Variants in SV2B observed in about 807,000 individuals in gnomAD.
SV2B encodes the protein solute carrier family 22 member B2.
Under a neutral mutation model 73.9 loss-of-function variants are expected in SV2B, and 41 were observed. The ratio of observed to expected loss-of-function variants is 0.56; its 90% confidence interval spans 0.43 to 0.72. The LOEUF is 0.72. SV2B is among the 30% of genes least tolerant of loss of function. SV2B has a pLI of 0.00. For missense variants in SV2B, 764 were observed against 857.8 expected (o/e 0.89, Z 1.37); for synonymous variants, 314 against 314.2 (o/e 1.00, Z 0.01).
intron 1 of SV2B, among the ~76,000 whole-genome samples, chr15:91,116,489 G>A (rs187807423): frequency 1.3e-4 from 20 of 152,334 alleles, no homozygotes; most frequent in South Asian, 4.1e-4. Context: ...GGTGTGCTCT[G>A]CATCCCGTGC....
rs1029742641 is a variant in SV2B, at chr15:91,105,864, C to T, written c.-392+5501C>T. Among the ~76,000 whole-genome samples, 5 of 152,104 alleles carry T rather than the reference C, an allele frequency of 3.3e-5. No individual in the cohort carries two copies. Among genetic ancestry groups the T allele is most frequent in the South Asian group, 2.1e-4 (1 of 4,822 alleles). ...AGGAGTTTGAGACCAGCCTGGACAA[C>T]GTGGCAAAATCCCAACTCTACAACA... is the stretch of plus-strand genomic sequence containing the variant. On this transcript the variant is annotated intron_variant, in intron 1 of 12. Coordinates refer to ENST00000394232, the MANE Select transcript of SV2B (RefSeq NM_001323032.3). This position sits in a 1 kb window ranked among gnomAD's most constrained non-coding sequence, Gnocchi z 5.5.
Position 91,288,577 on chromosome 15 carries a change from T to A in SV2B, c.1709-944T>A, listed in dbSNP as rs1463363469. On this transcript the variant is annotated intron_variant, in intron 11 of 12. Transcript: ENST00000394232. The surrounding 1 kb of genome is among the most constrained non-coding windows in gnomAD (Gnocchi z 5.8). ...TCCTGCCTTCCAGGTTCATCCATGT[T>A]GTCATAAATGGCAGAATTCCTTTCT... Among the ~76,000 whole-genome samples, 2 of 152,082 alleles carry A rather than the reference T, an allele frequency of 1.3e-5. No homozygotes were observed. The highest frequency in any genetic ancestry group is 2.9e-5 in the Non-Finnish European group (2 of 67,978).
chr15:91,158,679 CTCTTCTCTTCTCTT>C (rs2043584732), intron 1 of SV2B, among the ~76,000 whole-genome samples: 2 of 75,968 alleles, frequency 2.6e-5, no homozygotes, highest in African/African-American at 5.0e-5. Flanking sequence ...CTCTTCTCTT[CTCTTCTCTTCTCTT>C]CTCTTCTCTC....
intron 2 of SV2B, among the ~76,000 whole-genome samples, chr15:91,250,141 C>A (rs192232569): frequency 6.6e-6 from 1 of 152,318 alleles, no homozygotes; most frequent in African/African-American, 2.4e-5. Flanking sequence ...TTAAATTCGA[C>A]AGCACATTAA....
chr15:91,166,766 C>T (rs780127821), intron 1 of SV2B, among the ~76,000 whole-genome samples: 1 of 151,524 alleles, frequency 6.6e-6, no homozygotes, highest in Admixed American at 6.6e-5. Context: ...TTTATAATTT[C>T]AGTTATTGTA....
At position 91,261,539 on chromosome 15, in the gene SV2B, C is replaced by A. The variant is rs145504776; in HGVS notation, c.1008+1130C>A. On this transcript the variant is annotated intron_variant, in intron 6 of 12. Transcript: ENST00000394232. The surrounding 1 kb of genome is among the most constrained non-coding windows in gnomAD (Gnocchi z 4.7). ...CCTTCTTGTGCACATAGTTCCTTCC[C>A]CTTCATGTCCTAGGATTGTTTTATT... is the stretch of plus-strand genomic sequence containing the variant. Among the ~76,000 whole-genome samples, 2 of 152,050 alleles carry A rather than the reference C, an allele frequency of 1.3e-5. No individual in the cohort carries two copies. The highest frequency in any genetic ancestry group is 2.9e-5 in the Non-Finnish European group (2 of 68,012).
intron 1 of SV2B, among the ~76,000 whole-genome samples, chr15:91,114,132 C>T (rs528153151): frequency 3.5e-5 from 5 of 141,442 alleles, no homozygotes; most frequent in South Asian, 2.3e-4. Context: ...TGCAGTGAGC[C>T]GAGATCGCGC....
chr15:91,188,963 A>G (rs1489898689), intron 1 of SV2B, among the ~76,000 whole-genome samples: 1 of 152,080 alleles, frequency 6.6e-6, no homozygotes, highest in Non-Finnish European at 1.5e-5. Flanking sequence ...AATAGCTGGC[A>G]TTACAGGTGC....
Position 91,251,804 on chromosome 15 carries a change from T to C in SV2B, c.452-15T>C. ...CTTTTCTCTCTATTCTCTCCTCTCCTCCCCCTCATTGCAGGGATGATAGTC... is the reference window on the plus strand; with the variant it reads ...CTTTTCTCTCTATTCTCTCCTCTCCCCCCCCTCATTGCAGGGATGATAGTC... On this transcript the variant is annotated splice_polypyrimidine_tract_variant and intron_variant, in intron 2 of 12. Transcript: ENST00000394232. 4 of 1,612,666 alleles carry C rather than the reference T, an allele frequency of 2.5e-6. No individual in the cohort carries two copies. Among genetic ancestry groups the C allele is most frequent in the Non-Finnish European group, 3.4e-6 (4 of 1,179,040 alleles).
In SV2B at chr15:91,260,310, G is replaced by T. The variant is rs1255814310; in HGVS notation, c.919-10G>T. On this transcript the variant is annotated splice_polypyrimidine_tract_variant and intron_variant, in intron 5 of 12. Transcript: ENST00000394232. ...TGAATTTTTCCTGTGTCTTTCCTTG[G>T]TTTCACCAGATGGGCAAACATGATG... The T allele has an allele frequency of 1.2e-6, 2 of 1,601,676 alleles. No homozygotes were observed. Among genetic ancestry groups the T allele is most frequent in the African/African-American group, 2.7e-5 (2 of 73,994 alleles).
rs532247220 is a variant in SV2B, at chr15:91,287,869, A to G, written c.1709-1652A>G. Among the ~76,000 whole-genome samples the G allele has an allele frequency of 9.8e-5, 15 of 152,322 alleles. No homozygotes were observed. The South Asian group carries it at 2.9e-3, about 29-fold the overall frequency. On this transcript the variant is annotated intron_variant, in intron 11 of 12. Transcript: ENST00000394232. ...AGCAGTCACCACCTCTATGGCTGTG[A>G]GGACAAGGGGGGATAATTGCACTCA...
chr15:91,266,555 T>A (rs1479838224), intron 6 of SV2B, 27 bp from the exon 7 acceptor site: 1 of 1,570,426 alleles, frequency 6.4e-7, no homozygotes. Context: ...GGGTTCAAAT[T>A]CTCTATATCC....
At chr15:91,278,857 G>A (rs960661587) in intron 9 of SV2B, among the ~76,000 whole-genome samples, 4 of 151,954 alleles carry the variant, frequency 2.6e-5, no homozygotes, top group African/African-American at 7.3e-5. Flanking sequence ...CGGGGTGCCT[G>A]TTCTTAAGAA....
At chr15:91,107,989 G>A (rs1475141120) in intron 1 of SV2B, among the ~76,000 whole-genome samples, 1 of 152,120 alleles carries the variant, frequency 6.6e-6, no homozygotes, top group Admixed American at 6.6e-5. Context: ...CAGTTGTAAG[G>A]TGATGATGGT....
intron 1 of SV2B, among the ~76,000 whole-genome samples, chr15:91,210,966 G>A: frequency 6.6e-6 from 1 of 152,212 alleles, no homozygotes; most frequent in African/African-American, 2.4e-5. Flanking sequence ...CAGGCAGTAG[G>A]TGCCCCTGAA....
At chr15:91,182,752 G>A (rs2028021) in intron 1 of SV2B, among the ~76,000 whole-genome samples, 47,572 of 152,032 alleles carry the variant, frequency 0.31, 8,233 homozygotes, top group East Asian at 0.7. Context: ...GAACCTCATC[G>A]AAATTTTCTT....
rs869274294 is a variant in SV2B at position 91,272,828 on chromosome 15, CTTT to C, written c.1373+4245_1373+4247del. ...AGGGGGGATAAATGAGCATATTCGTCTTTTTTTTTTTTTTTTTTTTTTTTGATG... is the reference window on the plus strand; with the variant it reads ...AGGGGGGATAAATGAGCATATTCGTCTTTTTTTTTTTTTTTTTTTTTGATG... On this transcript the variant is annotated intron_variant, in intron 9 of 12. Transcript: ENST00000394232. 4.8e-3 allele frequency among the ~76,000 whole-genome samples: 442 copies of C among 92,874 alleles called. 4 individuals carry two copies. The highest frequency in any genetic ancestry group is 0.016 in the African/African-American group (370 of 22,642). 60.9% of individuals were successfully genotyped at this position (92,874 alleles called of 152,430 possible).
At chr15:91,104,045 A>G (rs1308698432) in intron 1 of SV2B, among the ~76,000 whole-genome samples, 2 of 152,224 alleles carry the variant, frequency 1.3e-5, no homozygotes, top group East Asian at 1.9e-4. Flanking sequence ...ATTCAGAGCA[A>G]AGCAGCTTAG....
intron 2 of SV2B, among the ~76,000 whole-genome samples, chr15:91,238,014 A>T (rs531697421): frequency 6.6e-6 from 1 of 152,234 alleles, no homozygotes; most frequent in East Asian, 1.9e-4. Context: ...CCCAGTTCCT[A>T]ATGTGATTTT....
Sources: allele counts gnomAD v4.1 joint callset (sites outside exome capture counted in the v4.1 genomes callset), GRCh38; gene constraint gnomAD v4.1.1; non-coding constraint Gnocchi (gnomAD v3.1); transcripts MANE v1.5; gene names NCBI Gene and HGNC (gene_info 2026-07-23, HGNC 2026-07-21).